SHTN1: variants seen among roughly 807,000 people sequenced by gnomAD.
The protein encoded by SHTN1 is shootin-1.
Under a neutral mutation model 83.1 loss-of-function variants are expected in SHTN1, and 42 were observed. The ratio of observed to expected loss-of-function variants is 0.51; its 90% CI spans 0.39 to 0.65. The LOEUF is 0.65. Among genes scored for constraint, SHTN1 ranks in the 30% least tolerant of loss-of-function variants. The pLI, the probability that SHTN1 is intolerant of heterozygous loss-of-function variation, is 0.00. For missense variants in SHTN1, 622 were observed against 737.8 expected (o/e 0.84, Z 1.82); for synonymous variants, 224 against 247.7 (o/e 0.90, Z 0.90).
intron 8 of SHTN1, among the ~76,000 whole-genome samples, chr10:116,943,873 T>C (rs1400769849): frequency 6.6e-6 from 1 of 152,186 alleles, no homozygotes; most frequent in African/African-American, 2.4e-5. Flanking sequence ...GGAGATCTCA[T>C]TGCAGACCAG....
chr10:116,888,373 A>T (rs942531677), intron 16 of SHTN1, among the ~76,000 whole-genome samples: 1 of 152,212 alleles, frequency 6.6e-6, no homozygotes, highest in Non-Finnish European at 1.5e-5. Context: ...ACTATGAGTA[A>T]TATTAAGGAT....
intron 16 of SHTN1, among the ~76,000 whole-genome samples, chr10:116,894,939 A>G (rs1847464283): frequency 6.6e-6 from 1 of 152,212 alleles, no homozygotes; most frequent in Non-Finnish European, 1.5e-5. Flanking sequence ...CTCTTTCTCC[A>G]TACTGAAGGC....
intron 11 of SHTN1, among the ~76,000 whole-genome samples, chr10:116,924,327 C>G (rs1228607823): frequency 6.7e-6 from 1 of 149,456 alleles, no homozygotes; most frequent in Non-Finnish European, 1.5e-5. Flanking sequence ...GCCTCTCGTT[C>G]TGTGAGATTT....
At chr10:117,063,004 C>T (rs769407725) in intron 1 of SHTN1, among the ~76,000 whole-genome samples, 17 of 152,278 alleles carry the variant, frequency 1.1e-4, no homozygotes, top group Admixed American at 6.5e-5. Flanking sequence ...CTGGAATTCA[C>T]TGGATAATAC....
At chr10:116,978,781 T>C (rs1850904492) in intron 2 of SHTN1, among the ~76,000 whole-genome samples, 1 of 152,134 alleles carries the variant, frequency 6.6e-6, no homozygotes, top group Non-Finnish European at 1.5e-5. Flanking sequence ...CTTCTCAACT[T>C]CCAGTGTATT....
At chr10:117,075,494 A>G (rs1383896782) in intron 1 of SHTN1, among the ~76,000 whole-genome samples, 1 of 152,248 alleles carries the variant, frequency 6.6e-6, no homozygotes, top group African/African-American at 2.4e-5. Context: ...GACCAAGAAA[A>G]GCATGGCCTG....
chr10:117,029,069 G>C (rs927670383), intron 2 of SHTN1, among the ~76,000 whole-genome samples: 4 of 152,316 alleles, frequency 2.6e-5, no homozygotes, highest in Middle Eastern at 3.4e-3. Flanking sequence ...AGCCACAGGG[G>C]CAGAGCTGCC....
intron 9 of SHTN1, among the ~76,000 whole-genome samples, chr10:116,937,209 T>A (rs1262930556): frequency 3.3e-5 from 5 of 152,226 alleles, no homozygotes; most frequent in Admixed American, 3.3e-4. Context: ...GTCATTATGA[T>A]GCTAGCTGGC....
chr10:116,936,811 G>A (rs559785615), intron 9 of SHTN1, among the ~76,000 whole-genome samples: 3 of 152,182 alleles, frequency 2.0e-5, no homozygotes, highest in Non-Finnish European at 4.4e-5. Context: ...CTCTTTATAT[G>A]TCTCTAAGAA....
At chr10:116,988,020 G>C (rs1488454623) in intron 1 of SHTN1, among the ~76,000 whole-genome samples, 1 of 152,004 alleles carries the variant, frequency 6.6e-6, no homozygotes. Flanking sequence ...GTACTATTCT[G>C]TACTATAATG....
intron 2 of SHTN1, among the ~76,000 whole-genome samples, chr10:117,023,315 C>T (rs1472654645): frequency 6.6e-6 from 1 of 152,116 alleles, no homozygotes; most frequent in Admixed American, 6.6e-5. Context: ...TTCCCATGGT[C>T]CCAAATAAAT....
At chr10:116,960,580 A>C (rs191919162) in intron 3 of SHTN1, among the ~76,000 whole-genome samples, 17 of 152,356 alleles carry the variant, frequency 1.1e-4, no homozygotes, top group Non-Finnish European at 1.6e-4. Context: ...TCATAAATAA[A>C]GAGGAGTGAC....
chr10:116,927,923 T>A, intron 10 of SHTN1, 32 bp from the exon 11 acceptor site: 1 of 1,610,036 alleles, frequency 6.2e-7, no homozygotes, highest in South Asian at 1.1e-5. Context: ...AGAAGAGAGC[T>A]GAAATAAGCA....
intron 2 of SHTN1, among the ~76,000 whole-genome samples, chr10:117,037,998 C>CA (rs71013632): frequency 0.77 from 58,177 of 75,474 alleles, 24,720 homozygotes; most frequent in Non-Finnish European, 0.92. Flanking sequence ...AGCGAGACTT[C>CA]AAAAAAAAAA....
At chr10:116,952,604 A>T (rs1409095032) in intron 5 of SHTN1, among the ~76,000 whole-genome samples, 7 of 152,176 alleles carry the variant, frequency 4.6e-5, no homozygotes, top group Admixed American at 6.5e-5. Flanking sequence ...ATTAGGATTC[A>T]ATGAAAAGTG....
chr10:117,004,922 G>A (rs1319041489), intron 1 of SHTN1, 100 bp downstream of exon 1: 57 of 1,084,348 alleles, frequency 5.3e-5, no homozygotes, highest in Non-Finnish European at 2.6e-6. Context: ...CGGCCGCCAC[G>A]TCTCCCGCCC....
At chr10:116,898,539 A>C (rs922557441) in intron 16 of SHTN1, among the ~76,000 whole-genome samples, 10 of 152,176 alleles carry the variant, frequency 6.6e-5, no homozygotes, top group African/African-American at 2.4e-5. Flanking sequence ...TGATGAGCAT[A>C]ATTCTGATCT....
chr10:116,911,250 A>G (rs1331824246), intron 14 of SHTN1, among the ~76,000 whole-genome samples: 1 of 152,320 alleles, frequency 6.6e-6, no homozygotes, highest in East Asian at 1.9e-4. Context: ...GACACAAAGT[A>G]TGCTCTCCAA....
intron 13 of SHTN1, among the ~76,000 whole-genome samples, chr10:116,913,039 G>C (rs7903166): frequency 0.96 from 146,138 of 152,290 alleles, 70,417 homozygotes; most frequent in East Asian, 1. Flanking sequence ...ACACTAATTT[G>C]AACCACACTA....
Sources: allele counts gnomAD v4.1 joint callset (sites outside exome capture counted in the v4.1 genomes callset), GRCh38; gene constraint gnomAD v4.1.1; transcripts MANE v1.5; gene names NCBI Gene and HGNC (gene_info 2026-07-23, HGNC 2026-07-21).